KIAA0825: variants seen among roughly 807,000 people sequenced by gnomAD.
KIAA0825 encodes uncharacterized protein KIAA0825.
A neutral mutation model predicts 147.6 loss-of-function variants in KIAA0825; 119 were observed. The observed-to-expected ratio is 0.81, with a 90% CI of 0.69 to 0.94. The LOEUF (loss-of-function observed/expected upper bound fraction) is 0.94. Among genes scored for constraint, KIAA0825 ranks in the 40% least tolerant of loss-of-function variants. KIAA0825 has a pLI of 0.00. For missense variants in KIAA0825, 1,381 were observed against 1,472.7 expected, an observed-to-expected ratio of 0.94 and a Z score of 1.02; for synonymous variants, 470 against 518.1, an observed-to-expected ratio of 0.91 and a Z score of 1.26.
chr5:94,362,578 A>G (rs1349060936), intron 20 of KIAA0825, among the ~76,000 whole-genome samples: 1 of 152,182 alleles, frequency 6.6e-6, no homozygotes, highest in African/African-American at 2.4e-5. Flanking sequence ...CTCCCTCTGC[A>G]TTCAGCTTAT....
chr5:94,276,452 G>A (rs1049206160), intron 20 of KIAA0825, among the ~76,000 whole-genome samples: 32 of 152,054 alleles, frequency 2.1e-4, no homozygotes, highest in Non-Finnish European at 4.1e-4. Context: ...AGCTATGCAA[G>A]ACCATTCATT....
chr5:94,279,583 A>G (rs1777371280), intron 20 of KIAA0825, among the ~76,000 whole-genome samples: 1 of 151,894 alleles, frequency 6.6e-6, no homozygotes, highest in African/African-American at 2.4e-5. Context: ...ATCCTATATT[A>G]CCCATTTATC....
chr5:94,512,437 T>C (rs1266671594), intron 5 of KIAA0825, among the ~76,000 whole-genome samples: 1 of 152,030 alleles, frequency 6.6e-6, no homozygotes, highest in Admixed American at 6.6e-5. Flanking sequence ...ACAACAGAAC[T>C]AGGCATTCAC....
At chr5:94,468,274 C>T (rs1031486945) in intron 10 of KIAA0825, among the ~76,000 whole-genome samples, 3 of 152,194 alleles carry the variant, frequency 2.0e-5, no homozygotes, top group Non-Finnish European at 2.9e-5. Flanking sequence ...AAACATAATA[C>T]CCCTATGTTG....
chr5:94,215,766 C>G (rs1033743568), intron 20 of KIAA0825, among the ~76,000 whole-genome samples: 1 of 152,084 alleles, frequency 6.6e-6, no homozygotes, highest in African/African-American at 2.4e-5. Flanking sequence ...CCTGGTTGCC[C>G]TCCTACTCTT....
intron 20 of KIAA0825, among the ~76,000 whole-genome samples, chr5:94,345,006 G>T (rs1782833291): frequency 6.6e-6 from 1 of 151,974 alleles, no homozygotes; most frequent in Admixed American, 6.6e-5. Flanking sequence ...ATACAACAAT[G>T]TGAATATACT....
chr5:94,604,497 T>C (rs981212268), intron 1 of KIAA0825, among the ~76,000 whole-genome samples: 1 of 152,144 alleles, frequency 6.6e-6, no homozygotes, highest in Non-Finnish European at 1.5e-5. Flanking sequence ...AAGCGGAGGT[T>C]GCAGTGAGCT....
In KIAA0825 at chr5:94,520,531, A is replaced by C. The variant is rs756770091; in HGVS notation, c.687T>G (p.Pro229=). 6.2e-7 allele frequency: 1 copy of C among 1,613,270 alleles called. No homozygotes were observed. The highest frequency in any genetic ancestry group is 1.1e-5 in the South Asian group (1 of 91,060). ...LLANLLWNCF[P]SYNRDSNLDV... is the part of the protein sequence containing the mutation. Reference sequence around the variant, plus strand: ...CTAAATTTGAATCTCTGTTGTAAGAAGGAAAGCAGTTCCACAGAAGATTAG... The same window carrying C: ...CTAAATTTGAATCTCTGTTGTAAGACGGAAAGCAGTTCCACAGAAGATTAG... The change falls in exon 5 of 21, where the codon CCT becomes CCG. Residue 229 remains proline, a synonymous_variant. Coordinates refer to ENST00000682413, the MANE Select transcript of KIAA0825 (RefSeq NM_001145678.3).
intron 2 of KIAA0825, chr5:94,569,458 A>C: frequency 2.4e-6 from 1 of 409,472 alleles, no homozygotes; most frequent in East Asian, 3.6e-5. Flanking sequence ...AAAATAAAGC[A>C]TATGTCATTA....
chr5:94,234,793 T>G (rs944865400), intron 20 of KIAA0825, among the ~76,000 whole-genome samples: 1 of 152,090 alleles, frequency 6.6e-6, no homozygotes, highest in Non-Finnish European at 1.5e-5. Flanking sequence ...TCCAAACACC[T>G]CCCACCAGCC....
At chr5:94,347,196 C>T (rs1783099377) in intron 20 of KIAA0825, among the ~76,000 whole-genome samples, 1 of 152,144 alleles carries the variant, frequency 6.6e-6, no homozygotes, top group East Asian at 1.9e-4. Flanking sequence ...CTTGGCCCTG[C>T]CCCCACATGA....
At chr5:94,529,492 A>G (rs72771694) in intron 3 of KIAA0825, among the ~76,000 whole-genome samples, 31,348 of 149,786 alleles carry the variant, frequency 0.21, 3,522 homozygotes, top group East Asian at 0.33. Flanking sequence ...ACACTAAGTA[A>G]AAAAATCTGA....
chr5:94,501,569 A>G (rs1367177767), intron 5 of KIAA0825, among the ~76,000 whole-genome samples: 1 of 152,198 alleles, frequency 6.6e-6, no homozygotes. Context: ...CCTTTTGTCC[A>G]GGCTTCTTTT....
At chr5:94,438,124 T>A (rs1235618681) in intron 14 of KIAA0825, among the ~76,000 whole-genome samples, 1 of 152,194 alleles carries the variant, frequency 6.6e-6, no homozygotes, top group Admixed American at 6.5e-5. Flanking sequence ...GGGTTTAATT[T>A]GCATGAGTAT....
Position 94,396,703 on chromosome 5 carries a change from T to G in KIAA0825, c.2888-194A>C, listed in dbSNP as rs29925. 1.2e-4 allele frequency among the ~76,000 whole-genome samples: 18 copies of G among 149,948 alleles called. No homozygotes were observed. In the East Asian group the frequency reaches 3.6e-3, roughly 30 times the overall value. ...AAAATTCCCCCAAATCAAAATCTGT[T>G]TTTTTTTTTCTCTCATAAATGATTA... On this transcript the variant is annotated intron_variant, in intron 16 of 20. Coordinates refer to ENST00000682413, the MANE Select transcript of KIAA0825 (RefSeq NM_001145678.3).
At chr5:94,197,300 A>G (rs560545600) in intron 20 of KIAA0825, among the ~76,000 whole-genome samples, 3 of 152,208 alleles carry the variant, frequency 2.0e-5, no homozygotes, top group East Asian at 3.9e-4. Context: ...TCCTTTGTAC[A>G]TATTCTAATG....
chr5:94,330,102 T>C (rs1781116928), intron 20 of KIAA0825, among the ~76,000 whole-genome samples: 1 of 152,188 alleles, frequency 6.6e-6, no homozygotes, highest in Non-Finnish European at 1.5e-5. Flanking sequence ...CATGCATCTA[T>C]ATATGTAACA....
At chr5:94,490,555 T>G (rs771323842) in intron 5 of KIAA0825, among the ~76,000 whole-genome samples, 2 of 152,120 alleles carry the variant, frequency 1.3e-5, no homozygotes, top group Admixed American at 6.6e-5. Context: ...AATATGACTT[T>G]TGTGTGTTAA....
intron 20 of KIAA0825, among the ~76,000 whole-genome samples, chr5:94,205,302 T>A (rs1451181625): frequency 3.6e-4 from 51 of 140,826 alleles, no homozygotes; most frequent in African/African-American, 1.3e-3. Flanking sequence ...TATATATATT[T>A]TGTTTTGTTT....
Sources: gnomAD v4.1 joint callset for allele counts (sites outside exome capture counted in the v4.1 genomes callset) on GRCh38, gnomAD v4.1.1 for gene constraint, MANE v1.5 for transcripts, NCBI Gene and HGNC (gene_info 2026-07-23, HGNC 2026-07-21) for gene names.